RABGAP1L: variants seen among roughly 807,000 people sequenced by gnomAD.
RABGAP1L encodes the protein RAB GTPase activating protein 1 like.
RABGAP1L carries 63 observed loss-of-function variants against 137.7 expected under a neutral mutation model. The ratio of observed to expected loss-of-function variants is 0.46; its 90% CI spans 0.37 to 0.56. RABGAP1L has a LOEUF of 0.56. RABGAP1L is among the 20% of genes least tolerant of loss of function. RABGAP1L has a pLI of 0.00. For synonymous variants in RABGAP1L, 431 were observed against 433.7 expected (o/e 0.99, Z 0.08); for missense variants, 1,095 against 1,244.0 (o/e 0.88, Z 1.80).
intron 11 of RABGAP1L, among the ~76,000 whole-genome samples, chr1:174,316,917 A>G (rs2148814434): frequency 6.6e-6 from 1 of 152,084 alleles, no homozygotes; most frequent in Admixed American, 6.6e-5. Flanking sequence ...CTCACCCCAT[A>G]ACTACCACCC....
In RABGAP1L at chr1:174,275,869, G is replaced by A. The variant is rs751157598; in HGVS notation, c.1090G>A (p.Val364Ile). The A allele has an allele frequency of 6.2e-6, 10 of 1,612,910 alleles. No individual in the cohort carries two copies. The highest frequency in any genetic ancestry group is 1.1e-5 in the South Asian group (1 of 90,954). ...MGKSYDGRAY[V>I]ITGMWNPNAP... ...AAAGAGCTATGATGGGAGAGCTTAT[G>A]TCATCACTGGCATGTGGAACCCCAA... Residue 364 changes from valine to isoleucine, a missense_variant, in exon 9 of 26, where the codon GTC (valine) becomes ATC (isoleucine). Val to Ile is a conservative substitution (Grantham distance 29). Transcript: ENST00000681986.
Position 174,355,469 on chromosome 1 carries a change from G to C in RABGAP1L, c.1466-15510G>C, listed in dbSNP as rs565373093. 8.2e-5 allele frequency among the ~76,000 whole-genome samples: 11 copies of C among 133,928 alleles called. 1 individual carries two copies. In the South Asian group the frequency reaches 2.5e-3, roughly 30 times the overall value. 87.9% of individuals were successfully genotyped at this position (133,928 alleles called of 152,430 possible). A position where few individuals can be genotyped will look rare whatever the true frequency, so the allele number is the denominator to read the frequency against. On this transcript the variant is annotated intron_variant, in intron 11 of 25. Coordinates refer to ENST00000681986, the MANE Select transcript of RABGAP1L (RefSeq NM_001366446.1). Reference sequence around the variant, plus strand: ...CACACTCTGGGGACTGTTGTGGGGTGGGGGGAGTGGGGAGGGATAGCATTA... The same window carrying C: ...CACACTCTGGGGACTGTTGTGGGGTCGGGGGAGTGGGGAGGGATAGCATTA...
intron 11 of RABGAP1L, among the ~76,000 whole-genome samples, chr1:174,357,883 C>G (rs1442474164): frequency 2.0e-5 from 3 of 152,244 alleles, no homozygotes; most frequent in East Asian, 1.9e-4. Context: ...TTATAGAGCT[C>G]TTGCCCTTTG....
intron 13 of RABGAP1L, among the ~76,000 whole-genome samples, chr1:174,406,331 G>T (rs1232093850): frequency 6.6e-6 from 1 of 152,090 alleles, no homozygotes; most frequent in Non-Finnish European, 1.5e-5. Flanking sequence ...AACAAATATA[G>T]TTTTTGTTAT....
intron 13 of RABGAP1L, among the ~76,000 whole-genome samples, chr1:174,534,796 A>AAAAAAAAAAAAAG (rs1664765085): frequency 6.6e-6 from 1 of 150,432 alleles, no homozygotes; most frequent in Non-Finnish European, 1.5e-5. Context: ...AAAAAAAAAA[A>AAAAAAAAAAAAAG]AAAAAAAATA....
intron 13 of RABGAP1L, among the ~76,000 whole-genome samples, chr1:174,633,801 T>G (rs1673669376): frequency 7.2e-6 from 1 of 138,768 alleles, no homozygotes; most frequent in Non-Finnish European, 1.5e-5. Context: ...CCCTATTTAA[T>G]AAATGGTGCT....
rs1260379141 is a variant in RABGAP1L at position 174,722,643 on chromosome 1, G to A, written c.2169+20387G>A. On this transcript the variant is annotated intron_variant, in intron 17 of 25. Transcript: ENST00000681986. ...TTTTTATATTTTTAGTAGAGATGGG[G>A]TTTCATCATGTTGTCCAGGCTGGTC... is the stretch of plus-strand genomic sequence containing the variant. Among the ~76,000 whole-genome samples the A allele has an allele frequency of 3.3e-5, 5 of 151,952 alleles. No homozygotes were observed. In the South Asian group the frequency reaches 1.0e-3, roughly 32 times the overall value.
At chr1:174,483,993 A>C (rs1043366291) in intron 13 of RABGAP1L, among the ~76,000 whole-genome samples, 1 of 152,152 alleles carries the variant, frequency 6.6e-6, no homozygotes, top group Admixed American at 6.5e-5. Context: ...ACTGTTCTCC[A>C]TAGTGGTTGT....
chr1:174,312,715 A>G (rs1044877393), intron 11 of RABGAP1L, among the ~76,000 whole-genome samples: 4 of 152,040 alleles, frequency 2.6e-5, no homozygotes, highest in African/African-American at 9.7e-5. Flanking sequence ...TGTTTCTTAT[A>G]GTAGTTTTAT....
intron 11 of RABGAP1L, among the ~76,000 whole-genome samples, chr1:174,344,098 C>T (rs1682225818): frequency 6.6e-6 from 1 of 152,086 alleles, no homozygotes; most frequent in Non-Finnish European, 1.5e-5. Flanking sequence ...TTTCAACTGA[C>T]CTAAGAAATT....
chr1:174,612,104 T>C (rs1029875252), intron 13 of RABGAP1L, among the ~76,000 whole-genome samples: 21 of 152,156 alleles, frequency 1.4e-4, no homozygotes, highest in African/African-American at 4.3e-4. Flanking sequence ...TGAATAGGAG[T>C]GGTGAGAGAG....
At chr1:174,459,043 T>A (rs1467210738) in intron 13 of RABGAP1L, among the ~76,000 whole-genome samples, 1 of 152,126 alleles carries the variant, frequency 6.6e-6, no homozygotes, top group African/African-American at 2.4e-5. Context: ...ATATATAAGT[T>A]AGAAAATAAA....
chr1:174,415,299 C>A (rs1002010400), intron 13 of RABGAP1L, among the ~76,000 whole-genome samples: 5 of 152,020 alleles, frequency 3.3e-5, no homozygotes, highest in African/African-American at 9.7e-5. Flanking sequence ...AGTAATACTT[C>A]CATTAAGCAC....
At chr1:174,885,069 T>G (rs1246602138) in intron 19 of RABGAP1L, among the ~76,000 whole-genome samples, 1 of 152,182 alleles carries the variant, frequency 6.6e-6, no homozygotes, top group Non-Finnish European at 1.5e-5. Flanking sequence ...TCAAACCTCA[T>G]TTTTCTCATC....
chr1:174,395,288 G>C (rs762643636), intron 13 of RABGAP1L, among the ~76,000 whole-genome samples: 54 of 152,178 alleles, frequency 3.5e-4, no homozygotes, highest in South Asian at 1.2e-3. Flanking sequence ...GCATGTGTTA[G>C]ATTAAGTGGA....
intron 13 of RABGAP1L, among the ~76,000 whole-genome samples, chr1:174,622,953 G>A (rs192101190): frequency 6.6e-6 from 1 of 152,106 alleles, no homozygotes; most frequent in Non-Finnish European, 1.5e-5. Flanking sequence ...TGAAGTTTCA[G>A]GTGGTACTTT....
intron 17 of RABGAP1L, chr1:174,705,638 T>C (rs530496568): frequency 6.6e-6 from 1 of 152,308 alleles, no homozygotes; most frequent in African/African-American, 2.4e-5. Context: ...TTCAGAATAA[T>C]CTATTGGAAA....
At chr1:174,703,130 T>G (rs1312546124) in intron 17 of RABGAP1L, among the ~76,000 whole-genome samples, 1 of 152,174 alleles carries the variant, frequency 6.6e-6, no homozygotes, top group Middle Eastern at 3.2e-3. Flanking sequence ...AAATTTTTTT[T>G]GTATAAATTT....
At chr1:174,511,417 G>C (rs1662323233) in intron 13 of RABGAP1L, among the ~76,000 whole-genome samples, 1 of 152,068 alleles carries the variant, frequency 6.6e-6, no homozygotes, top group African/African-American at 2.4e-5. Context: ...ACTCTAAGAA[G>C]CATGAATTTA....
Sources: allele counts gnomAD v4.1 joint callset (sites outside exome capture counted in the v4.1 genomes callset), GRCh38; gene constraint gnomAD v4.1.1; transcripts MANE v1.5; gene names NCBI Gene and HGNC (gene_info 2026-07-23, HGNC 2026-07-21).